The following PLCH2 variants were observed in gnomAD, a reference collection of about 807,000 sequenced individuals.
PLCH2 encodes the protein 1-phosphatidylinositol 4,5-bisphosphate phosphodiesterase eta-2.
PLCH2 carries 98 observed loss-of-function variants against 134.7 expected under a neutral mutation model. That is an observed-to-expected ratio of 0.73 (90% confidence interval 0.62 to 0.86). The LOEUF is 0.86. PLCH2 is among the 40% of genes least tolerant of loss of function. The probability of loss-of-function intolerance (pLI) is 0.00; values close to 1 mark genes in which losing one functional copy is unlikely to be tolerated. For synonymous variants in PLCH2, 974 were observed against 827.5 expected, an observed-to-expected ratio of 1.18 and a Z score of -3.04; for missense variants, 1,994 against 1,986.6, an observed-to-expected ratio of 1.00 and a Z score of -0.07.
At chr1:2,497,986 C>A (rs1642990100) in intron 16 of PLCH2, 1 of 261,706 alleles carries the variant, frequency 3.8e-6, no homozygotes, top group Non-Finnish European at 7.3e-6. Context: ...TTGGAGGAAC[C>A]TCCTCCCGGC....
At chr1:2,503,002 G>T (rs543348985) in intron 21 of PLCH2, 4 of 715,740 alleles carry the variant, frequency 5.6e-6, no homozygotes, top group South Asian at 1.5e-5. Context: ...GGACGGTGTC[G>T]CCTCGTGTGC....
intron 4 of PLCH2, among the ~76,000 whole-genome samples, chr1:2,483,014 C>T (rs906326556): frequency 5.9e-5 from 9 of 152,210 alleles, no homozygotes; most frequent in African/African-American, 2.2e-4. Flanking sequence ...CTGCTGAGAG[C>T]ACGCCGTCCT....
chr1:2,496,973 C>T lies in PLCH2; in HGVS notation c.2079C>T (p.Tyr693=). 1 of 1,613,356 alleles carries T rather than the reference C, an allele frequency of 6.2e-7. No individual in the cohort carries two copies. The highest frequency in any genetic ancestry group is 1.7e-5 in the Admixed American group (1 of 60,030). The change falls in exon 15 of 22, where the codon TAC becomes TAT. Residue 693 remains tyrosine (Y), a synonymous_variant. Coordinates refer to ENST00000378486, the MANE Select transcript of PLCH2 (RefSeq NM_014638.4). ...CCTACCGTGTGGACTCCAGCAACTA[C>T]AACCCGCAGCCCTTCTGGAACGCCG... The part of the protein sequence containing the change: ...PSSYRVDSSN[Y]NPQPFWNAGC...
chr1:2,447,800 C>T (rs1033940123), intron 2 of PLCH2, among the ~76,000 whole-genome samples: 3 of 152,192 alleles, frequency 2.0e-5, no homozygotes, highest in African/African-American at 7.2e-5. Flanking sequence ...GTCTTTCCCT[C>T]AGCCCACCGG....
In PLCH2 at chr1:2,457,099, G is replaced by A. The variant is rs149685355; in HGVS notation, c.116-21377G>A. Among the ~76,000 whole-genome samples, 852 of 152,306 alleles carry A rather than the reference G, an allele frequency of 5.6e-3. 6 individuals are homozygous for A. The highest frequency in any genetic ancestry group is 0.019 in the African/African-American group (792 of 41,566). ...GTGTGGCGGTGGTGGCTTTGGGTCC[G>A]GCCCTGGTGGTCTTCTCACACTGGC... On this transcript the variant is annotated intron_variant, in intron 2 of 3. Coordinates refer to the PLCH2 transcript ENST00000609981.
chr1:2,489,797 AG>A lies in PLCH2; in HGVS notation c.1447del (p.Glu483LysfsTer31). The A allele has an allele frequency of 6.2e-7, 1 of 1,613,746 alleles. No homozygotes were observed. The highest frequency in any genetic ancestry group is 8.5e-7 in the Non-Finnish European group (1 of 1,179,826). ...CCAGCCAACATCAGCGAGGATGCGG[AG>A]GAAGGCGAGGTGTCTGATGAGGACA... ...KLPANISEDA[E>X]EGEVSDEDSA... On this transcript the variant is annotated frameshift_variant, in exon 10 of 22. Transcript: ENST00000378486. LOFTEE classifies it high-confidence loss of function.
At chr1:2,449,589 G>A (rs1437014040) in intron 2 of PLCH2, among the ~76,000 whole-genome samples, 1 of 152,214 alleles carries the variant, frequency 6.6e-6, no homozygotes. Context: ...AGGTGAGGTG[G>A]GGGACCAGGT....
rs765249318 is a variant in PLCH2 at position 2,504,759 on chromosome 1, C to T, written c.3797C>T (p.Ala1266Val). 8 of 1,612,326 alleles carry T rather than the reference C, an allele frequency of 5.0e-6. No individual in the cohort carries two copies. The African/African-American group carries it at 6.7e-5, about 13-fold the overall frequency. Residue 1266 changes from alanine to valine, a missense_variant, in exon 22 of 22, where the codon GCC (alanine) becomes GTC (valine). By Grantham distance (64) the Ala-to-Val change is moderately conservative. Transcript: ENST00000378486. ...SLGDLTADDFAPSFEGGSRRL... is the reference protein window; with the variant it reads ...SLGDLTADDFVPSFEGGSRRL... ...GGCGACCTCACTGCTGATGACTTTG[C>T]CCCTAGCTTTGAGGGCGGCTCCCGC...
In PLCH2 at chr1:2,489,930, G is replaced by A. The variant is rs567604357; in HGVS notation, c.1515+63G>A. The A allele has an allele frequency of 1.2e-4, 139 of 1,204,298 alleles. 2 individuals carry two copies. In the South Asian group the frequency reaches 1.5e-3, roughly 13 times the overall value. The allele number at this position is 1,204,298 out of a possible 1,614,324, so 74.6% of individuals were successfully genotyped here. A position where few individuals can be genotyped will look rare whatever the true frequency, so the allele number is the denominator to read the frequency against. ...CTGCAGTTCCCAAGAACAGCTGTCC[G>A]TCCTTGCTGTTGGGGCGAGTTAGAA... On this transcript the variant is annotated intron_variant, in intron 10 of 21. Transcript: ENST00000378486.
Position 2,504,308 on chromosome 1 carries a change from C to A in PLCH2, c.3346C>A (p.Pro1116Thr), listed in dbSNP as rs1039375780. ...GTGGCGGCCCCTGGCCGCTCCCTTT[C>A]CAGCTCCTGCCGTGTACTCCGATGC... ...GGWRPLAAPFPAPAVYSDATG... is the reference protein window; with the variant it reads ...GGWRPLAAPFTAPAVYSDATG... The change falls in exon 22 of 22, where the codon CCA becomes ACA. Residue 1116 changes from proline (P) to threonine (T), a missense_variant. Coordinates refer to ENST00000378486, the MANE Select transcript of PLCH2 (RefSeq NM_014638.4). The A allele has an allele frequency of 5.6e-6, 9 of 1,605,142 alleles. No homozygotes were observed. Among genetic ancestry groups the A allele is most frequent in the Non-Finnish European group, 7.6e-6 (9 of 1,177,128 alleles).
rs372633500 is a variant in PLCH2 at position 2,486,912 on chromosome 1, G to A, written c.822G>A (p.Ala274=). The change falls in exon 6 of 22, where the codon GCG becomes GCA. Residue 274 remains alanine (A), a synonymous_variant. Coordinates refer to ENST00000378486, the MANE Select transcript of PLCH2 (RefSeq NM_014638.4). The stretch of plus-strand genomic sequence containing the variant: ...ATGCCCCTGCTCTGGCCTAGATGGC[G>A]GGTGTGACCCTCGAGAGCTGCCAGG... ...QRFLQVEQKM[A]GVTLESCQDI... The A allele has an allele frequency of 3.2e-5, 51 of 1,603,782 alleles. No individual in the cohort carries two copies. In the African/African-American group the frequency reaches 4.2e-4, roughly 13 times the overall value.
At chr1:2,469,126 C>T (rs1641207641) in intron 1 of PLCH2, among the ~76,000 whole-genome samples, 1 of 152,218 alleles carries the variant, frequency 6.6e-6, no homozygotes, top group African/African-American at 2.4e-5. Flanking sequence ...CTCCTGGGCA[C>T]GTTGTCCCTG....
At chr1:2,477,224 G>T (rs1027316672) in intron 1 of PLCH2, among the ~76,000 whole-genome samples, 1 of 152,266 alleles carries the variant, frequency 6.6e-6, no homozygotes, top group South Asian at 2.1e-4. Context: ...CGGCAGACAG[G>T]GTCCTGTCCA....
At chr1:2,420,812 C>T in the PLCH2 span, among the ~76,000 whole-genome samples, 88 of 152,366 alleles carry the variant, frequency 5.8e-4, no homozygotes, top group African/African-American at 1.9e-3. Context: ...ATCAGTATCT[C>T]TTCCCCCTTG....
At position 2,498,377 on chromosome 1, in the gene PLCH2, T is replaced by G; in HGVS notation, c.2225-146T>G. ...CCAGGTGCACCCCGAGGTGCCCCCCTGGACCACTGCCTCCCTCCCTCCCCC... is the reference window on the plus strand; with the variant it reads ...CCAGGTGCACCCCGAGGTGCCCCCCGGGACCACTGCCTCCCTCCCTCCCCC... On this transcript the variant is annotated intron_variant, in intron 16 of 21. Coordinates refer to ENST00000378486, the MANE Select transcript of PLCH2 (RefSeq NM_014638.4). The surrounding 1 kb of genome is among the most constrained non-coding windows in gnomAD (Gnocchi z 5.4). 1 of 867,868 alleles carries G rather than the reference T, an allele frequency of 1.2e-6. No homozygotes were observed. The highest frequency in any genetic ancestry group is 1.7e-6 in the Non-Finnish European group (1 of 572,954). The allele number at this position is 867,868 out of a possible 1,614,324, so 53.8% of individuals were successfully genotyped here.
rs903281838 is a variant in PLCH2 at position 2,443,210 on chromosome 1, G to T, written c.115+12581G>T. 2.8e-4 allele frequency among the ~76,000 whole-genome samples: 43 copies of T among 152,228 alleles called. 1 individual carries two copies. Among genetic ancestry groups the T allele is most frequent in the African/African-American group, 1.0e-3 (43 of 41,468 alleles). ...CCTGCCACCCTCTTGGGGCTGGGCC[G>T]TACCCCGTTCTCAGCAGTCCCAGGC... On this transcript the variant is annotated intron_variant, in intron 2 of 3. Coordinates refer to the PLCH2 transcript ENST00000609981.
At chr1:2,485,153 G>A (rs1387594627) in intron 5 of PLCH2, among the ~76,000 whole-genome samples, 1 of 152,176 alleles carries the variant, frequency 6.6e-6, no homozygotes, top group African/African-American at 2.4e-5. Flanking sequence ...AATCCAGAGG[G>A]GCATGCTCAG....
intron 5 of PLCH2, 83 bp from the exon 6 acceptor site, chr1:2,486,824 G>A (rs978780428): frequency 9.9e-7 from 1 of 1,014,312 alleles, no homozygotes. Flanking sequence ...GACAGGCAGG[G>A]GACAGTGGTG....
chr1:2,458,112 C>A (rs1387174060), intron 2 of PLCH2, among the ~76,000 whole-genome samples: 1 of 152,146 alleles, frequency 6.6e-6, no homozygotes, highest in Admixed American at 6.5e-5. Flanking sequence ...ACTGTGGGCA[C>A]CCAGGCCTGT....
Sources: allele counts gnomAD v4.1 joint callset (sites outside exome capture counted in the v4.1 genomes callset), GRCh38; gene constraint gnomAD v4.1.1; non-coding constraint Gnocchi (gnomAD v3.1); transcripts MANE v1.5; gene names NCBI Gene and HGNC (gene_info 2026-07-23, HGNC 2026-07-21).